The following KIRREL3 variants were observed in gnomAD, a reference collection of about 807,000 sequenced individuals.
KIRREL3 encodes the protein kin of IRRE-like protein 3.
Under a neutral mutation model 89.7 loss-of-function variants are expected in KIRREL3, and 36 were observed. The observed-to-expected ratio is 0.40, with a 90% CI of 0.31 to 0.53. KIRREL3 has a LOEUF of 0.53. KIRREL3 is among the 20% of genes least tolerant of loss of function. The pLI, the probability that KIRREL3 is intolerant of heterozygous loss-of-function variation, is 0.49. For missense variants in KIRREL3, 864 were observed against 1,056.6 expected, an observed-to-expected ratio of 0.82 and a Z score of 2.53; for synonymous variants, 445 against 441.4, an observed-to-expected ratio of 1.01 and a Z score of -0.10.
At chr11:126,452,292 T>C (rs1411329243) in intron 7 of KIRREL3, among the ~76,000 whole-genome samples, 1 of 152,252 alleles carries the variant, frequency 6.6e-6, no homozygotes, top group East Asian at 1.9e-4. Flanking sequence ...TTAACTTTGA[T>C]TTAATGACCA....
chr11:126,670,751 C>T (rs1015796442), intron 1 of KIRREL3, among the ~76,000 whole-genome samples: 13 of 151,996 alleles, frequency 8.6e-5, no homozygotes, highest in African/African-American at 1.2e-4. Context: ...GTGTCTTTAA[C>T]GAAGAAAAAA....
chr11:126,605,525 A>C lies in KIRREL3; in HGVS notation c.56-42613T>G, dbSNP rs1565586962. On this transcript the variant is annotated intron_variant, in intron 1 of 16. Transcript: ENST00000525144. The surrounding 1 kb of genome is among the most constrained non-coding windows in gnomAD (Gnocchi z 5.7). Reference sequence around the variant, plus strand: ...GGATGCCAGGAGGGAGGCACAGCCCACACTTAGCAGCTTGGCGCACGCAAA... The same window carrying C: ...GGATGCCAGGAGGGAGGCACAGCCCCCACTTAGCAGCTTGGCGCACGCAAA... Among the ~76,000 whole-genome samples, 2 of 152,206 alleles carry C rather than the reference A, an allele frequency of 1.3e-5. No homozygotes were observed. The highest frequency in any genetic ancestry group is 1.5e-5 in the Non-Finnish European group (1 of 68,034).
chr11:126,447,556 C>A (rs1955867447), intron 8 of KIRREL3, among the ~76,000 whole-genome samples: 1 of 152,214 alleles, frequency 6.6e-6, no homozygotes, highest in Non-Finnish European at 1.5e-5. Context: ...AGTGGAGCAG[C>A]CCTGGGTTCC....
intron 1 of KIRREL3, among the ~76,000 whole-genome samples, chr11:126,875,133 C>T (rs1458849338): frequency 6.6e-6 from 1 of 152,132 alleles, no homozygotes; most frequent in East Asian, 1.9e-4. Flanking sequence ...ATCAATCAAC[C>T]AACCAGTCAA....
chr11:126,691,961 A>G (rs1946893353), intron 1 of KIRREL3, among the ~76,000 whole-genome samples: 1 of 152,274 alleles, frequency 6.6e-6, no homozygotes, highest in South Asian at 2.1e-4. Context: ...TCGAAATGAT[A>G]GTGAGGTATC....
intron 1 of KIRREL3, among the ~76,000 whole-genome samples, chr11:126,675,853 G>T (rs976217857): frequency 6.6e-6 from 1 of 152,202 alleles, no homozygotes; most frequent in Non-Finnish European, 1.5e-5. Flanking sequence ...GAGACTGGAA[G>T]CTTGGAGGCC....
Position 126,733,221 on chromosome 11 carries a change from G to T in KIRREL3, c.56-170309C>A, listed in dbSNP as rs138450686. On this transcript the variant is annotated intron_variant, in intron 1 of 16. Coordinates refer to ENST00000525144, the MANE Select transcript of KIRREL3 (RefSeq NM_032531.4). ...AAGGTGGGTAAGTATTTTTAGAGAT[G>T]GTAACGAGGCCTGGGGGCTATGCAC... Among the ~76,000 whole-genome samples, 166 of 152,296 alleles carry T rather than the reference G, an allele frequency of 1.1e-3. 2 individuals are homozygous for T. Among genetic ancestry groups the T allele is most frequent in the African/African-American group, 3.9e-3 (163 of 41,554 alleles).
At position 126,520,641 on chromosome 11, in the gene KIRREL3, A is replaced by C. The variant is rs1958555043; in HGVS notation, c.433+674T>G. On this transcript the variant is annotated intron_variant, in intron 4 of 16. Coordinates refer to ENST00000525144, the MANE Select transcript of KIRREL3 (RefSeq NM_032531.4). This position sits in a 1 kb window ranked among gnomAD's most constrained non-coding sequence, Gnocchi z 4.9. ...CTAAATCAGAACTAGGCGGTTTAAG[A>C]GGTCACCGAGCCCATTCCCCTGTCT... Among the ~76,000 whole-genome samples the C allele has an allele frequency of 6.6e-6, 1 of 152,198 alleles. No individual in the cohort carries two copies. The highest frequency in any genetic ancestry group is 1.5e-5 in the Non-Finnish European group (1 of 68,034).
chr11:126,456,218 G>A, intron 7 of KIRREL3, 131 bp downstream of exon 7: 1 of 636,412 alleles, frequency 1.6e-6, no homozygotes, highest in South Asian at 1.8e-5. Context: ...AAGGGAAGAA[G>A]GCTACTGGAC....
At chr11:126,873,177 A>G (rs959995673) in intron 1 of KIRREL3, among the ~76,000 whole-genome samples, 2 of 152,236 alleles carry the variant, frequency 1.3e-5, no homozygotes, top group Non-Finnish European at 2.9e-5. Context: ...TAGCTTGACA[A>G]GAATGTATTT....
rs1487605238 is a variant in KIRREL3, at chr11:126,900,709, T to C, written c.55+99746A>G. Among the ~76,000 whole-genome samples the C allele has an allele frequency of 6.6e-6, 1 of 152,210 alleles. No homozygotes were observed. The highest frequency in any genetic ancestry group is 2.4e-5 in the African/African-American group (1 of 41,458). ...TATGCCGTGATCTTGTTAAAATCTT[T>C]CCTGTAATGATATTTAAGTGATGGG... On this transcript the variant is annotated intron_variant, in intron 1 of 16. Coordinates refer to ENST00000525144, the MANE Select transcript of KIRREL3 (RefSeq NM_032531.4). This position sits in a 1 kb window ranked among gnomAD's most constrained non-coding sequence, Gnocchi z 4.4.
At position 126,954,677 on chromosome 11, in the gene KIRREL3, T is replaced by C. The variant is rs752415004; in HGVS notation, c.55+45778A>G. On this transcript the variant is annotated intron_variant, in intron 1 of 16. Coordinates refer to ENST00000525144, the MANE Select transcript of KIRREL3 (RefSeq NM_032531.4). This position sits in a 1 kb window ranked among gnomAD's most constrained non-coding sequence, Gnocchi z 4.1. ...TCAACCTAGGAAGCACCCTTAGAGG[T>C]CATCTAGTAGAATATCACAGGCAGT... is the stretch of plus-strand genomic sequence containing the variant. 2.0e-4 allele frequency among the ~76,000 whole-genome samples: 31 copies of C among 152,082 alleles called. No individual in the cohort carries two copies. Among genetic ancestry groups the C allele is most frequent in the Non-Finnish European group, 4.1e-4 (28 of 68,010 alleles).
rs1453952628 is a variant in KIRREL3 at position 126,694,224 on chromosome 11, C to T, written c.56-131312G>A. ...ATAATGAAAAAGGCTCTTTGTTTTT[C>T]CCCCAGTCCGAACTCCTAGCTCATC... On this transcript the variant is annotated intron_variant, in intron 1 of 16. Transcript: ENST00000525144. This position sits in a 1 kb window ranked among gnomAD's most constrained non-coding sequence, Gnocchi z 4.4. 2.0e-5 allele frequency among the ~76,000 whole-genome samples: 3 copies of T among 152,204 alleles called. No individual in the cohort carries two copies. Among genetic ancestry groups the T allele is most frequent in the African/African-American group, 2.4e-5 (1 of 41,464 alleles).
intron 7 of KIRREL3, among the ~76,000 whole-genome samples, 151 bp from the exon 8 acceptor site, chr11:126,449,308 G>T (rs1955938706): frequency 6.6e-6 from 1 of 152,212 alleles, no homozygotes; most frequent in Non-Finnish European, 1.5e-5. Flanking sequence ...CTTCACAGAG[G>T]GGCTACTTCA....
chr11:126,507,548 C>T (rs574858803), intron 4 of KIRREL3, among the ~76,000 whole-genome samples: 22 of 152,290 alleles, frequency 1.4e-4, no homozygotes, highest in East Asian at 9.6e-4. Flanking sequence ...TAACTCCCTC[C>T]GCTACAATAT....
At position 126,870,294 on chromosome 11, in the gene KIRREL3, C is replaced by T. The variant is rs1247133506; in HGVS notation, c.55+130161G>A. Among the ~76,000 whole-genome samples, 3 of 152,180 alleles carry T rather than the reference C, an allele frequency of 2.0e-5. No individual in the cohort carries two copies. The highest frequency in any genetic ancestry group is 4.4e-5 in the Non-Finnish European group (3 of 68,044). On this transcript the variant is annotated intron_variant, in intron 1 of 16. Coordinates refer to ENST00000525144, the MANE Select transcript of KIRREL3 (RefSeq NM_032531.4). The surrounding 1 kb of genome is among the most constrained non-coding windows in gnomAD (Gnocchi z 4.4). ...CCAGGGCTGCCTGTGCCATGTACTG[C>T]AAGACAGCTGGGATTGTCATGGACA...
At chr11:126,801,357 A>T (rs952170897) in intron 1 of KIRREL3, among the ~76,000 whole-genome samples, 2 of 152,168 alleles carry the variant, frequency 1.3e-5, no homozygotes, top group Admixed American at 1.3e-4. Context: ...ACACCATGTG[A>T]GCTGCTGGAG....
intron 1 of KIRREL3, among the ~76,000 whole-genome samples, chr11:126,895,999 C>T (rs928029399): frequency 9.2e-5 from 14 of 152,220 alleles, no homozygotes; most frequent in Non-Finnish European, 1.8e-4. Flanking sequence ...AAATAAAGTG[C>T]ATTTGTAATA....
chr11:126,658,698 T>C (rs1945265426), intron 1 of KIRREL3, among the ~76,000 whole-genome samples: 1 of 152,248 alleles, frequency 6.6e-6, no homozygotes, highest in South Asian at 2.1e-4. Context: ...TAAGGTGCCA[T>C]ATCAACAGCT....
Sources: allele counts gnomAD v4.1 joint callset (sites outside exome capture counted in the v4.1 genomes callset), GRCh38; gene constraint gnomAD v4.1.1; non-coding constraint Gnocchi (gnomAD v3.1); transcripts MANE v1.5; gene names NCBI Gene and HGNC (gene_info 2026-07-23, HGNC 2026-07-21).